Variants in UST observed in about 807,000 individuals in gnomAD.
The protein encoded by UST is chondroitin sulfate 2-O-sulfotransferase.
UST carries 21 observed loss-of-function variants against 45.6 expected under a neutral mutation model. The observed-to-expected ratio is 0.46, with a 90% CI of 0.33 to 0.66. The LOEUF (loss-of-function observed/expected upper bound fraction) is 0.66, where lower values mean the gene tolerates loss of function less well. Ranked by LOEUF, UST falls within the 30% of genes least tolerant of loss-of-function variation. The probability of loss-of-function intolerance (pLI) is 0.02; values close to 1 mark genes in which losing one functional copy is unlikely to be tolerated. For synonymous variants in UST, 215 were observed against 200.6 expected, an observed-to-expected ratio of 1.07 and a Z score of -0.61; for missense variants, 463 against 512.4, an observed-to-expected ratio of 0.90 and a Z score of 0.93.
In UST at chr6:148,943,149, A is replaced by G. The variant is rs151257754; in HGVS notation, c.447+1715A>G. Reference sequence around the variant, plus strand: ...ATAAATACATTATTGCAATTTTATTATAATTATTAAATTTGGTGTTCTTTT... The same window carrying G: ...ATAAATACATTATTGCAATTTTATTGTAATTATTAAATTTGGTGTTCTTTT... On this transcript the variant is annotated intron_variant, in intron 3 of 7. Coordinates refer to ENST00000367463, the MANE Select transcript of UST (RefSeq NM_005715.3). 1.9e-4 allele frequency among the ~76,000 whole-genome samples: 29 copies of G among 152,344 alleles called. No individual in the cohort carries two copies. In the East Asian group the frequency reaches 5.6e-3, roughly 29 times the overall value.
intron 5 of UST, among the ~76,000 whole-genome samples, chr6:149,015,463 G>T (rs541709137): frequency 2.0e-5 from 3 of 152,248 alleles, no homozygotes; most frequent in Admixed American, 6.5e-5. Flanking sequence ...GCTAGACTTG[G>T]CAGGGAAGGG....
intron 1 of UST, among the ~76,000 whole-genome samples, chr6:148,836,245 A>C (rs768894694): frequency 1.4e-4 from 22 of 152,170 alleles, no homozygotes; most frequent in Admixed American, 9.8e-4. Context: ...TGTGTATGGA[A>C]ATTATTTATT....
chr6:148,982,325 T>G (rs9498186), intron 5 of UST, among the ~76,000 whole-genome samples: 7,811 of 152,046 alleles, frequency 0.051, 660 homozygotes, highest in African/African-American at 0.18. Context: ...TCTCGAACAC[T>G]TGACCTCAAA....
At chr6:148,994,877 C>A (rs546828044) in intron 5 of UST, among the ~76,000 whole-genome samples, 1 of 152,344 alleles carries the variant, frequency 6.6e-6, no homozygotes, top group African/African-American at 2.4e-5. Flanking sequence ...CTGAACCCTT[C>A]ATAGCCCTTA....
At chr6:148,953,557 C>T (rs539185181) in intron 3 of UST, among the ~76,000 whole-genome samples, 4 of 152,098 alleles carry the variant, frequency 2.6e-5, no homozygotes, top group East Asian at 1.9e-4. Flanking sequence ...CCGAGGCGGG[C>T]GGATCACGAG....
intron 1 of UST, among the ~76,000 whole-genome samples, chr6:148,749,698 T>G (rs904513205): frequency 1.3e-5 from 2 of 152,206 alleles, no homozygotes; most frequent in Admixed American, 1.3e-4. Context: ...CATTAACATT[T>G]TCACTTTATA....
intron 4 of UST, among the ~76,000 whole-genome samples, chr6:148,957,607 T>C (rs1163313650): frequency 6.6e-6 from 1 of 152,188 alleles, no homozygotes; most frequent in African/African-American, 2.4e-5. Context: ...CTAATTTTTC[T>C]ATTTTTAGTG....
At chr6:149,050,031 G>T (rs1372459509) in intron 7 of UST, among the ~76,000 whole-genome samples, 2 of 148,316 alleles carry the variant, frequency 1.3e-5, no homozygotes, top group African/African-American at 2.5e-5. Context: ...AAATACTAAA[G>T]TTCTATAATT....
Position 148,954,375 on chromosome 6 carries a change from G to A in UST, c.527+424G>A, listed in dbSNP as rs78864097. On this transcript the variant is annotated intron_variant, in intron 4 of 7. Transcript: ENST00000367463. Reference sequence around the variant, plus strand: ...TCTAGGATCCAAAGTACCAGCCTCTGTCTGTCTTTTTAATACAATCGTGTG... The same window carrying A: ...TCTAGGATCCAAAGTACCAGCCTCTATCTGTCTTTTTAATACAATCGTGTG... 2.6e-4 allele frequency among the ~76,000 whole-genome samples: 39 copies of A among 152,296 alleles called. 1 individual carries two copies. The East Asian group carries it at 5.2e-3, about 20-fold the overall frequency.
chr6:148,788,555 T>G (rs927459621), intron 1 of UST, among the ~76,000 whole-genome samples: 19 of 152,340 alleles, frequency 1.2e-4, no homozygotes, highest in African/African-American at 4.6e-4. Context: ...TTGAGCCGTT[T>G]GTACAGATCA....
chr6:148,751,209 A>G (rs981476959), intron 1 of UST, among the ~76,000 whole-genome samples: 2 of 152,250 alleles, frequency 1.3e-5, no homozygotes, highest in Non-Finnish European at 2.9e-5. Flanking sequence ...AGGTACTTTA[A>G]TACTTTAAAG....
intron 1 of UST, among the ~76,000 whole-genome samples, chr6:148,827,473 G>A (rs536333986): frequency 1.2e-3 from 176 of 152,138 alleles, no homozygotes; most frequent in Middle Eastern, 6.8e-3. Flanking sequence ...ACAAAGATTA[G>A]CCAGGCATGG....
intron 5 of UST, among the ~76,000 whole-genome samples, chr6:148,988,649 C>T (rs1781286119): frequency 6.6e-6 from 1 of 150,386 alleles, no homozygotes; most frequent in African/African-American, 2.4e-5. Flanking sequence ...TTCTTGTGTT[C>T]TCCGAAAGAT....
chr6:148,818,332 C>T (rs1777394268), intron 1 of UST, among the ~76,000 whole-genome samples: 1 of 152,122 alleles, frequency 6.6e-6, no homozygotes, highest in Admixed American at 6.5e-5. Context: ...ATTGGACCCT[C>T]GATGTGTACA....
intron 5 of UST, among the ~76,000 whole-genome samples, chr6:149,006,137 T>C (rs1485753337): frequency 1.3e-5 from 2 of 152,336 alleles, no homozygotes; most frequent in Admixed American, 1.3e-4. Flanking sequence ...TGCAGTTTTG[T>C]TACATAGGGA....
chr6:149,010,895 C>CAAAAAAAAAAAAAAAAAAAAAAA, intron 5 of UST, among the ~76,000 whole-genome samples: 1 of 65,614 alleles, frequency 1.5e-5, no homozygotes, highest in African/African-American at 6.6e-5. Flanking sequence ...CCGTCTCAAC[C>CAAAAAAAAAAAAAAAAAAAAAAA]AAAAAAAAAA....
At chr6:148,757,200 C>T (rs994928288) in intron 1 of UST, among the ~76,000 whole-genome samples, 5 of 152,188 alleles carry the variant, frequency 3.3e-5, no homozygotes, top group Non-Finnish European at 7.3e-5. Context: ...GATAACTGTC[C>T]ACTTCTTACC....
At chr6:148,913,172 G>A (rs1441687320) in intron 2 of UST, among the ~76,000 whole-genome samples, 1 of 152,168 alleles carries the variant, frequency 6.6e-6, no homozygotes, top group Non-Finnish European at 1.5e-5. Flanking sequence ...CAATCATTAG[G>A]GAAATTGCCC....
intron 7 of UST, among the ~76,000 whole-genome samples, chr6:149,071,860 A>G (rs1776823973): frequency 6.6e-6 from 1 of 152,246 alleles, no homozygotes; most frequent in Admixed American, 6.5e-5. Flanking sequence ...TAAAGAAGAT[A>G]TACAAACAAA....
Sources: allele counts gnomAD v4.1 joint callset (sites outside exome capture counted in the v4.1 genomes callset), GRCh38; gene constraint gnomAD v4.1.1; transcripts MANE v1.5; gene names NCBI Gene and HGNC (gene_info 2026-07-23, HGNC 2026-07-21).